The following KPTN variants were observed in gnomAD, a reference collection of about 807,000 sequenced individuals.
KPTN encodes KICSTOR complex protein kaptin.
KPTN carries 36 observed loss-of-function variants against 52.6 expected under a neutral mutation model. That is an observed-to-expected ratio of 0.68 (90% CI 0.52 to 0.90). The LOEUF (loss-of-function observed/expected upper bound fraction) is 0.90, where lower values mean the gene tolerates loss of function less well. KPTN is among the 40% of genes least tolerant of loss of function. The pLI, the probability that KPTN is intolerant of heterozygous loss-of-function variation, is 0.00. For synonymous variants in KPTN, 271 were observed against 248.4 expected (o/e 1.09, Z -0.85); for missense variants, 529 against 576.2 (o/e 0.92, Z 0.84).
intron 8 of KPTN, among the ~76,000 whole-genome samples, chr19:47,479,084 C>A (rs1038810768): frequency 6.6e-6 from 1 of 152,160 alleles, no homozygotes; most frequent in African/African-American, 2.4e-5. Context: ...GCTCCGCCAC[C>A]CAGGCTGGAG....
At chr19:47,485,222 ATG>A (rs763667820), upstream of KPTN, among the ~76,000 whole-genome samples, 16 of 152,100 alleles carry the variant, frequency 1.1e-4, no homozygotes, top group East Asian at 1.9e-3. Flanking sequence ...AGCTTTTACT[ATG>A]TGCCCGGACG....
Position 47,475,500 on chromosome 19 carries a change from T to A in KPTN, c.1227A>T (p.Arg409=). Reference sequence around the variant, plus strand: ...GACGTCTCCTCTGCTCCACTTGATGTCGAAGCCGGGTCAAGACCAGCTCTG... The same window carrying A: ...GACGTCTCCTCTGCTCCACTTGATGACGAAGCCGGGTCAAGACCAGCTCTG... ...QASELVLTRL[R]HQVEQRRRRL... is the part of the protein sequence containing the mutation. The change falls in exon 12 of 12, where the codon CGA becomes CGT. Residue 409 remains arginine (R), a synonymous_variant. Coordinates refer to ENST00000338134, the MANE Select transcript of KPTN (RefSeq NM_007059.4). 6.2e-7 allele frequency: 1 copy of A among 1,613,434 alleles called. No individual in the cohort carries two copies. The highest frequency in any genetic ancestry group is 1.1e-5 in the South Asian group (1 of 91,024).
At chr19:47,484,310 G>A (rs1968005606), upstream of KPTN, 1 of 1,035,568 alleles carries the variant, frequency 9.7e-7, no homozygotes, top group South Asian at 1.7e-5. Flanking sequence ...CTCCCAAGAT[G>A]GCGGCCAGGT....
At chr19:47,480,238 C>G (rs951056781) in intron 7 of KPTN, 60 bp downstream of exon 7, 1 of 1,037,068 alleles carries the variant, frequency 9.6e-7, no homozygotes, top group Non-Finnish European at 1.4e-6. Flanking sequence ...TCAGCCCCAC[C>G]CTGGCCCCGC....
chr19:47,482,614 C>T (rs1484150022), intron 4 of KPTN, among the ~76,000 whole-genome samples: 1 of 152,134 alleles, frequency 6.6e-6, no homozygotes, highest in Non-Finnish European at 1.5e-5. Context: ...TGTGTGTGTG[C>T]ACATGTGCTC....
chr19:47,477,069 G>A (rs1249408407), intron 9 of KPTN, 131 bp from the exon 10 acceptor site: 3 of 907,130 alleles, frequency 3.3e-6, no homozygotes, highest in African/African-American at 1.7e-5. Flanking sequence ...CGGAAGCCTA[G>A]ACATCATCAT....
At chr19:47,480,893 A>C (rs1599875388) in intron 5 of KPTN, 60 bp from the exon 6 acceptor site, 3 of 1,609,528 alleles carry the variant, frequency 1.9e-6, no homozygotes, top group Non-Finnish European at 2.5e-6. Context: ...TCACACATAT[A>C]CCCACCCAGC....
At chr19:47,476,466 A>C in intron 11 of KPTN, 66 bp downstream of exon 11, 2 of 1,371,000 alleles carry the variant, frequency 1.5e-6, no homozygotes. Context: ...CCCCAGGAGG[A>C]GGCCTGCACC....
At chr19:47,482,663 C>T (rs1042816659) in intron 4 of KPTN, among the ~76,000 whole-genome samples, 17 of 152,110 alleles carry the variant, frequency 1.1e-4, no homozygotes, top group African/African-American at 4.1e-4. Context: ...TCTCACATGA[C>T]CTCTCTGGTC....
intron 4 of KPTN, 173 bp downstream of exon 4, chr19:47,482,988 T>A: frequency 1.4e-6 from 1 of 694,076 alleles, no homozygotes; most frequent in East Asian, 2.6e-5. Context: ...ATTACAGGTG[T>A]GAGCCACCGT....
At position 47,479,870 on chromosome 19, in the gene KPTN, G is replaced by A. The variant is rs777641950; in HGVS notation, c.780C>T (p.Ala260=). The change falls in exon 8 of 12, where the codon GCC becomes GCT. Residue 260 remains alanine (A), a synonymous_variant. Coordinates refer to ENST00000338134, the MANE Select transcript of KPTN (RefSeq NM_007059.4). ...CTCAAACCCAGAGCTCACCCTTGGC[G>A]GCCGAGAGGCTGAACACAATCACTC... ...ISRVIVFSLS[A]AKETKDRPLQ... 2 of 1,612,874 alleles carry A rather than the reference G, an allele frequency of 1.2e-6. No homozygotes were observed. The highest frequency in any genetic ancestry group is 2.2e-5 in the South Asian group (2 of 91,000).
Position 47,480,956 on chromosome 19 carries a change from A to C in KPTN, c.525+2T>G, listed in dbSNP as rs1439081781. 2.5e-6 allele frequency: 4 copies of C among 1,608,192 alleles called. No homozygotes were observed. Among genetic ancestry groups the C allele is most frequent in the Non-Finnish European group, 3.4e-6 (4 of 1,177,290 alleles). On this transcript the variant is annotated splice_donor_variant, in intron 5 of 11. Transcript: ENST00000338134. LOFTEE classifies it high-confidence loss of function. The stretch of plus-strand genomic sequence containing the variant: ...TCTGCCCAGCACGCCGCCCCACCTC[A>C]CCTCCTTGTAGAGATGAATGGCCGG...
chr19:47,481,001 AAC>A lies in KPTN; in HGVS notation c.480_481del (p.Phe161SerfsTer22), dbSNP rs1175225699. The A allele has an allele frequency of 6.3e-7, 1 of 1,594,780 alleles. No individual in the cohort carries two copies. Among genetic ancestry groups the A allele is most frequent in the Non-Finnish European group, 8.5e-7 (1 of 1,169,678 alleles). Reference sequence around the variant, plus strand: ...GGCCGGGTCGTTCCCACTCAAGAGAAACACAGTCTCAAGTTGATCCCCGACCT... The same window carrying A: ...GGCCGGGTCGTTCCCACTCAAGAGAAACAGTCTCAAGTTGATCCCCGACCT... On this transcript the variant is annotated frameshift_variant, in exon 5 of 12. Transcript: ENST00000338134. LOFTEE classifies it high-confidence loss of function.
chr19:47,478,229 C>T (rs1427966792), intron 8 of KPTN, among the ~76,000 whole-genome samples: 1 of 151,890 alleles, frequency 6.6e-6, no homozygotes, highest in African/African-American at 2.4e-5. Flanking sequence ...GAGATTGGCC[C>T]ATGAGACAAA....
At chr19:47,477,077 C>G (rs750123485) in intron 9 of KPTN, 139 bp from the exon 10 acceptor site, 47 of 869,388 alleles carry the variant, frequency 5.4e-5, no homozygotes, top group Non-Finnish European at 7.3e-5. Context: ...TAGACATCAT[C>G]ATCTCAGATT....
intron 8 of KPTN, among the ~76,000 whole-genome samples, chr19:47,478,396 G>A (rs1275302326): frequency 1.3e-5 from 2 of 151,652 alleles, no homozygotes; most frequent in Non-Finnish European, 2.9e-5. Flanking sequence ...TGGCCAACAT[G>A]GTGAAACCCT....
chr19:47,475,354 G>C lies in KPTN; in HGVS notation c.*62C>G. 3 of 1,573,290 alleles carry C rather than the reference G, an allele frequency of 1.9e-6. No individual in the cohort carries two copies. Among genetic ancestry groups the C allele is most frequent in the Non-Finnish European group, 2.6e-6 (3 of 1,155,608 alleles). Reference sequence around the variant, plus strand: ...CTGTCCTTCAGGACACCCCCCACCAGCGGCTGGAGGTGAGCACGCCATGAG... The same window carrying C: ...CTGTCCTTCAGGACACCCCCCACCACCGGCTGGAGGTGAGCACGCCATGAG... On this transcript the variant is annotated 3_prime_UTR_variant, in exon 12 of 12. Transcript: ENST00000338134.
chr19:47,476,689 C>T lies in KPTN; in HGVS notation c.1025G>A (p.Gly342Asp). 3 of 1,612,410 alleles carry T rather than the reference C, an allele frequency of 1.9e-6. No homozygotes were observed. The highest frequency in any genetic ancestry group is 1.1e-5 in the South Asian group (1 of 90,784). Residue 342 changes from glycine to aspartate, a missense_variant, in exon 11 of 12, where the codon GGC becomes GAC. Coordinates refer to ENST00000338134, the MANE Select transcript of KPTN (RefSeq NM_007059.4). ...GGCCTCAGGAAGCCCCGACTCTGGG[C>T]CCCGGTACTTATAACACAGCAGTTC... ...GQELLCYKYR[G>D]PESGLPEAQH...
Position 47,475,453 on chromosome 19 carries a change from C to T in KPTN, c.1274G>A (p.Gly425Glu). The part of the protein sequence containing the change: ...RRRRLQGLED[G>E]AGAGPAENAA... ...ATTCTCAGCAGGCCCTGCACCTGCC[C>T]CGTCCTCCAACCCCTGTAGCCGACG... Residue 425 changes from glycine to glutamate, a missense_variant, in exon 12 of 12, where the codon GGG (glycine) becomes GAG (glutamate). Physicochemically the swap from Gly to Glu is moderately conservative, Grantham distance 98. Transcript: ENST00000338134. 3 of 1,613,362 alleles carry T rather than the reference C, an allele frequency of 1.9e-6. No homozygotes were observed. Among genetic ancestry groups the T allele is most frequent in the Non-Finnish European group, 2.5e-6 (3 of 1,179,516 alleles).
Sources: allele counts gnomAD v4.1 joint callset (sites outside exome capture counted in the v4.1 genomes callset), GRCh38; gene constraint gnomAD v4.1.1; transcripts MANE v1.5; gene names NCBI Gene and HGNC (gene_info 2026-07-23, HGNC 2026-07-21).